Variants in KLHL14 observed in about 807,000 individuals in gnomAD.
The protein encoded by KLHL14 is kelch-like protein 14.
A neutral mutation model predicts 64.3 loss-of-function variants in KLHL14; 22 were observed. The ratio of observed to expected loss-of-function variants is 0.34; its 90% CI spans 0.24 to 0.49. The LOEUF is 0.49. KLHL14 is among the 20% of genes least tolerant of loss of function. KLHL14 has a pLI of 0.99. For synonymous variants in KLHL14, 322 were observed against 333.4 expected (o/e 0.97, Z 0.37); for missense variants, 661 against 789.0 (o/e 0.84, Z 1.94).
intron 2 of KLHL14, among the ~76,000 whole-genome samples, chr18:32,763,678 A>C (rs2050326121): frequency 6.6e-6 from 1 of 152,196 alleles, no homozygotes; most frequent in Non-Finnish European, 1.5e-5. Context: ...GGTTGTGTGT[A>C]TGTTTGCGTG....
chr18:32,677,171 A>G lies in KLHL14; in HGVS notation c.1746+2T>C, dbSNP rs747289743. ...GAGGATGCAGTAAATGTGGACACAT[A>G]CCATACTCCAGCTGTAGCCTCCCAC... On this transcript the variant is annotated splice_donor_variant, in intron 8 of 8. Coordinates refer to ENST00000359358, the MANE Select transcript of KLHL14 (RefSeq NM_020805.3). LOFTEE classifies it high-confidence loss of function. 1 of 1,610,658 alleles carries G rather than the reference A, an allele frequency of 6.2e-7. No individual in the cohort carries two copies. The highest frequency in any genetic ancestry group is 8.5e-7 in the Non-Finnish European group (1 of 1,178,664).
chr18:32,698,706 A>T (rs1313392067), intron 3 of KLHL14, among the ~76,000 whole-genome samples: 1 of 152,190 alleles, frequency 6.6e-6, no homozygotes, highest in South Asian at 2.1e-4. Context: ...TCTCAACTTT[A>T]TTAAACAAAC....
intron 3 of KLHL14, among the ~76,000 whole-genome samples, chr18:32,702,761 A>G (rs897194912): frequency 6.6e-6 from 1 of 152,190 alleles, no homozygotes; most frequent in Non-Finnish European, 1.5e-5. Context: ...GTCAGAATCC[A>G]GTTATGAGTT....
chr18:32,759,162 C>A (rs924292188), intron 2 of KLHL14, among the ~76,000 whole-genome samples: 26 of 152,156 alleles, frequency 1.7e-4, no homozygotes, highest in African/African-American at 6.3e-4. Context: ...TCTAAATTTT[C>A]TGATGGCATG....
At chr18:32,752,181 A>C (rs923325725) in intron 2 of KLHL14, among the ~76,000 whole-genome samples, 1 of 152,190 alleles carries the variant, frequency 6.6e-6, no homozygotes. Context: ...ATAGGTGGGC[A>C]GACTAAAAGC....
chr18:32,734,323 T>G, intron 3 of KLHL14: 1 of 686,868 alleles, frequency 1.5e-6, no homozygotes, highest in Admixed American at 2.0e-5. Context: ...GCTGCATCCA[T>G]GATGGAGATG....
intron 3 of KLHL14, among the ~76,000 whole-genome samples, chr18:32,729,214 C>T (rs1450918369): frequency 6.6e-6 from 1 of 152,120 alleles, no homozygotes; most frequent in Non-Finnish European, 1.5e-5. Flanking sequence ...CTATTTGTTT[C>T]CTTGCCTGTA....
At chr18:32,771,220 C>G (rs1251654266) in intron 1 of KLHL14, 1 of 170,854 alleles carries the variant, frequency 5.9e-6, no homozygotes, top group Admixed American at 6.4e-5. Flanking sequence ...TCTCCAAAAG[C>G]TGGGACCCCC....
At chr18:32,742,320 A>T (rs1359599947) in intron 2 of KLHL14, among the ~76,000 whole-genome samples, 1 of 152,122 alleles carries the variant, frequency 6.6e-6, no homozygotes, top group Non-Finnish European at 1.5e-5. Flanking sequence ...TTCTTATATT[A>T]TCCCTTTAAA....
chr18:32,691,191 A>G (rs566566197), intron 4 of KLHL14, among the ~76,000 whole-genome samples: 1 of 152,294 alleles, frequency 6.6e-6, no homozygotes, highest in Non-Finnish European at 1.5e-5. Context: ...TAGAATTTCC[A>G]TTTGGAAGAC....
intron 4 of KLHL14, among the ~76,000 whole-genome samples, chr18:32,688,430 T>G (rs1051617723): frequency 6.6e-6 from 1 of 152,240 alleles, no homozygotes; most frequent in Non-Finnish European, 1.5e-5. Context: ...TGTATCCTTA[T>G]AAATGAATAA....
intron 3 of KLHL14, among the ~76,000 whole-genome samples, chr18:32,727,241 G>A (rs1048354416): frequency 1.3e-5 from 2 of 152,112 alleles, no homozygotes; most frequent in African/African-American, 4.8e-5. Context: ...TTTTTCAATG[G>A]TCAAGAAAGG....
chr18:32,724,829 C>T (rs1325738232), intron 3 of KLHL14, among the ~76,000 whole-genome samples: 1 of 152,104 alleles, frequency 6.6e-6, no homozygotes, highest in Non-Finnish European at 1.5e-5. Context: ...TAAGTTTGGA[C>T]AAATTATTAA....
Position 32,741,788 on chromosome 18 carries a change from C to T in KLHL14, c.1069+140G>A, listed in dbSNP as rs1016119531. ...AATTTAGTTTTTTACTCTAAATCCCCGGTGATACATAAACAAACCTCCAAA... is the reference window on the plus strand; with the variant it reads ...AATTTAGTTTTTTACTCTAAATCCCTGGTGATACATAAACAAACCTCCAAA... On this transcript the variant is annotated intron_variant, in intron 3 of 8. Coordinates refer to ENST00000359358, the MANE Select transcript of KLHL14 (RefSeq NM_020805.3). 8.7e-6 allele frequency: 9 copies of T among 1,029,150 alleles called. No homozygotes were observed. The African/African-American group carries it at 1.2e-4, about 13-fold the overall frequency. The allele number at this position is 1,029,150 out of a possible 1,614,324, so 63.8% of individuals were successfully genotyped here.
chr18:32,729,375 C>T (rs370998209), intron 3 of KLHL14, among the ~76,000 whole-genome samples: 2 of 151,154 alleles, frequency 1.3e-5, no homozygotes, highest in African/African-American at 2.4e-5. Context: ...CTCAGTTATA[C>T]GAGCCATATT....
chr18:32,744,994 G>T (rs2050217262), intron 2 of KLHL14: 1 of 151,874 alleles, frequency 6.6e-6, no homozygotes, highest in Non-Finnish European at 1.5e-5. Context: ...CACAACTAAG[G>T]TAAATCTCTA....
chr18:32,764,882 T>C (rs1420446679), intron 2 of KLHL14, among the ~76,000 whole-genome samples: 2 of 152,088 alleles, frequency 1.3e-5, no homozygotes, highest in African/African-American at 2.4e-5. Flanking sequence ...ACAACTCTCC[T>C]AATTTTTTTT....
At chr18:32,709,287 A>G (rs1187664141) in intron 3 of KLHL14, among the ~76,000 whole-genome samples, 1 of 152,050 alleles carries the variant, frequency 6.6e-6, no homozygotes, top group Non-Finnish European at 1.5e-5. Flanking sequence ...TGCCTCTGAC[A>G]TGTTTTTCCT....
At position 32,673,603 on chromosome 18, in the gene KLHL14, G is replaced by A. The variant is rs940122562; in HGVS notation, c.*1054C>T. The A allele has an allele frequency of 2.6e-5, 4 of 152,214 alleles. No homozygotes were observed. Among genetic ancestry groups the A allele is most frequent in the African/African-American group, 7.2e-5 (3 of 41,450 alleles). 9.4% of individuals were successfully genotyped at this position (152,214 alleles called of 1,614,324 possible). A position where few individuals can be genotyped will look rare whatever the true frequency, so the allele number is the denominator to read the frequency against. ...GTAAGTCAAGTGTCTAGAGGCACCC[G>A]AAGGTGAGGAAGAGGAGAAGTATTC... On this transcript the variant is annotated 3_prime_UTR_variant, in exon 9 of 9. Coordinates refer to ENST00000359358, the MANE Select transcript of KLHL14 (RefSeq NM_020805.3).
Sources: gnomAD v4.1 joint callset for allele counts (sites outside exome capture counted in the v4.1 genomes callset) on GRCh38, gnomAD v4.1.1 for gene constraint, MANE v1.5 for transcripts, NCBI Gene and HGNC (gene_info 2026-07-23, HGNC 2026-07-21) for gene names.